FRMD3: variants seen among roughly 807,000 people sequenced by gnomAD.
The protein encoded by FRMD3 is FERM domain-containing protein 3.
Under a neutral mutation model 70.2 loss-of-function variants are expected in FRMD3, and 33 were observed. The ratio of observed to expected loss-of-function variants is 0.47; its 90% CI spans 0.36 to 0.63. The LOEUF (loss-of-function observed/expected upper bound fraction) is 0.63, where lower values mean the gene tolerates loss of function less well. Among genes scored for constraint, FRMD3 ranks in the 20% least tolerant of loss-of-function variants. The pLI is 0.00. For missense variants in FRMD3, 632 were observed against 711.4 expected, an observed-to-expected ratio of 0.89 and a Z score of 1.27; for synonymous variants, 279 against 255.9, an observed-to-expected ratio of 1.09 and a Z score of -0.86.
chr9:83,548,746 G>A, the FRMD3 span, among the ~76,000 whole-genome samples: 1 of 152,080 alleles, frequency 6.6e-6, no homozygotes, highest in East Asian at 1.9e-4. Flanking sequence ...ATAATAATGT[G>A]TCTATATTTT....
intron 13 of FRMD3, among the ~76,000 whole-genome samples, chr9:83,260,119 ATGTC>A (rs1299284801): frequency 6.6e-6 from 1 of 152,208 alleles, no homozygotes; most frequent in African/African-American, 2.4e-5. Context: ...ATCTTAGACT[ATGTC>A]TGTCCATAAA....
rs201914348 is a variant in FRMD3 at position 83,392,078 on chromosome 9, GA to G, written c.148-2371del. On this transcript the variant is annotated intron_variant, in intron 1 of 13. Transcript: ENST00000304195. ...TCCTTTCTCCAGGGACCACCACAAA[GA>G]AAAAAAAAAAAGCCCCTTTTCCTTG... Among the ~76,000 whole-genome samples the G allele has an allele frequency of 2.2e-3, 307 of 137,672 alleles. 1 individual carries two copies. Among genetic ancestry groups the G allele is most frequent in the East Asian group, 5.5e-3 (26 of 4,712 alleles). The allele number at this position is 137,672 out of a possible 152,430, so 90.3% of individuals were successfully genotyped here. A position where few individuals can be genotyped will look rare whatever the true frequency, so the allele number is the denominator to read the frequency against.
At chr9:83,387,808 T>G (rs1183602818) in intron 2 of FRMD3, among the ~76,000 whole-genome samples, 2 of 152,202 alleles carry the variant, frequency 1.3e-5, no homozygotes, top group Non-Finnish European at 2.9e-5. Context: ...AGACCAAAGC[T>G]GGCTTGGCTG....
intron 2 of FRMD3, among the ~76,000 whole-genome samples, chr9:83,373,992 C>A (rs3860906): frequency 0.71 from 107,365 of 152,076 alleles, 38,156 homozygotes; most frequent in Admixed American, 0.73. Context: ...TTGCTGAGCG[C>A]TTACTAAACG....
At chr9:83,442,254 C>CTTT (rs57472225) in intron 1 of FRMD3, among the ~76,000 whole-genome samples, 7 of 121,516 alleles carry the variant, frequency 5.8e-5, no homozygotes, top group Admixed American at 8.4e-5. Context: ...TTATACAGAT[C>CTTT]TTTTTTTTTT....
intron 13 of FRMD3, among the ~76,000 whole-genome samples, chr9:83,288,727 A>C (rs1355583312): frequency 6.6e-6 from 1 of 152,230 alleles, no homozygotes; most frequent in Non-Finnish European, 1.5e-5. Flanking sequence ...AGTTAATTAC[A>C]ATGGTTTGTC....
At chr9:83,321,960 C>T (rs1039092430) in intron 6 of FRMD3, among the ~76,000 whole-genome samples, 1 of 152,088 alleles carries the variant, frequency 6.6e-6, no homozygotes, top group African/African-American at 2.4e-5. Flanking sequence ...TGGGTATTGT[C>T]CTGGGTATGC....
chr9:83,549,637 C>T, the FRMD3 span, among the ~76,000 whole-genome samples: 48 of 152,138 alleles, frequency 3.2e-4, 2 homozygotes, highest in East Asian at 9.3e-3. Flanking sequence ...TTAATAATAG[C>T]CATTTTGACT....
chr9:83,300,731 T>C (rs1008734566), intron 10 of FRMD3, among the ~76,000 whole-genome samples: 3 of 152,310 alleles, frequency 2.0e-5, no homozygotes, highest in Admixed American at 2.0e-4. Flanking sequence ...AAAGACTCAA[T>C]GCACATTTTC....
chr9:83,506,881 C>T (rs1486856660), intron 1 of FRMD3, among the ~76,000 whole-genome samples: 1 of 152,042 alleles, frequency 6.6e-6, no homozygotes, highest in Non-Finnish European at 1.5e-5. Flanking sequence ...AAGCTTTGTT[C>T]TATTTTTGTA....
At chr9:83,464,831 G>A (rs915116115) in intron 1 of FRMD3, among the ~76,000 whole-genome samples, 1 of 152,004 alleles carries the variant, frequency 6.6e-6, no homozygotes. Context: ...CCAGCCTGGC[G>A]AACATAGCGA....
rs374798181 is a variant in FRMD3, at chr9:83,517,875, A to G, written c.147+20210T>C. Among the ~76,000 whole-genome samples, 3 of 152,234 alleles carry G rather than the reference A, an allele frequency of 2.0e-5. No individual in the cohort carries two copies. The South Asian group carries it at 6.2e-4, about 31-fold the overall frequency. On this transcript the variant is annotated intron_variant, in intron 1 of 13. Coordinates refer to ENST00000304195, the MANE Select transcript of FRMD3 (RefSeq NM_174938.6). ...CATAATCCATCACATAAACAGAACC[A>G]ATGACAAAAACTACATGATTCTCTC...
intron 6 of FRMD3, among the ~76,000 whole-genome samples, chr9:83,316,071 A>G (rs548286008): frequency 9.9e-5 from 15 of 151,942 alleles, no homozygotes; most frequent in African/African-American, 3.6e-4. Context: ...TTCCTTTTCT[A>G]ATGCTTTTCC....
chr9:83,473,357 C>A (rs898607240), intron 1 of FRMD3, among the ~76,000 whole-genome samples: 1 of 152,162 alleles, frequency 6.6e-6, no homozygotes, highest in Non-Finnish European at 1.5e-5. Context: ...CACATGACTC[C>A]GGTCCAGTCC....
intron 3 of FRMD3, among the ~76,000 whole-genome samples, chr9:83,365,056 TA>T (rs1408878113): frequency 6.6e-6 from 1 of 152,218 alleles, no homozygotes; most frequent in Non-Finnish European, 1.5e-5. Flanking sequence ...CTTTAATTGC[TA>T]TAGCTCACAG....
chr9:83,392,651 T>C (rs1359484600), intron 1 of FRMD3, among the ~76,000 whole-genome samples: 1 of 152,084 alleles, frequency 6.6e-6, no homozygotes, highest in Non-Finnish European at 1.5e-5. Flanking sequence ...TTTTTTCTCA[T>C]GGAAAACATG....
chr9:83,367,572 G>A (rs77649195), intron 3 of FRMD3, among the ~76,000 whole-genome samples: 2,501 of 152,288 alleles, frequency 0.016, 73 homozygotes, highest in African/African-American at 0.056. Context: ...ACAGAACCCA[G>A]GAGACATCTG....
intron 1 of FRMD3, among the ~76,000 whole-genome samples, chr9:83,490,209 A>G (rs1261341923): frequency 6.6e-6 from 1 of 152,172 alleles, no homozygotes; most frequent in Non-Finnish European, 1.5e-5. Context: ...TCAAAGATGG[A>G]CACCCCTGGG....
chr9:83,288,662 G>T (rs1021056778), intron 13 of FRMD3, among the ~76,000 whole-genome samples: 1 of 152,228 alleles, frequency 6.6e-6, no homozygotes, highest in Non-Finnish European at 1.5e-5. Context: ...TGGGAAAATT[G>T]AAAAGGTAGC....
Sources: gnomAD v4.1 joint callset for allele counts (sites outside exome capture counted in the v4.1 genomes callset) on GRCh38, gnomAD v4.1.1 for gene constraint, MANE v1.5 for transcripts, NCBI Gene and HGNC (gene_info 2026-07-23, HGNC 2026-07-21) for gene names.